CCDC91: variants seen among roughly 807,000 people sequenced by gnomAD.
CCDC91 encodes the protein coiled-coil domain-containing protein 91.
CCDC91 carries 48 observed loss-of-function variants against 63.2 expected under a neutral mutation model. The observed-to-expected ratio is 0.76, with a 90% CI of 0.60 to 0.97. The LOEUF is 0.97. CCDC91 is among the 50% of genes least tolerant of loss of function. CCDC91 has a pLI of 0.00. For synonymous variants in CCDC91, 167 were observed against 165.8 expected, an observed-to-expected ratio of 1.01 and a Z score of -0.06; for missense variants, 500 against 494.6, an observed-to-expected ratio of 1.01 and a Z score of -0.10.
intron 1 of CCDC91, among the ~76,000 whole-genome samples, chr12:28,244,526 T>A (rs954626349): frequency 1.8e-5 from 2 of 111,294 alleles, no homozygotes; most frequent in African/African-American, 6.0e-5. Context: ...TTTTTTTTTT[T>A]ACAGCTCTAC....
intron 8 of CCDC91, among the ~76,000 whole-genome samples, chr12:28,442,570 T>A (rs1949283903): frequency 1.3e-5 from 2 of 152,246 alleles, no homozygotes; most frequent in South Asian, 2.1e-4. Flanking sequence ...GTCTGAAAGT[T>A]TCACATACCA....
chr12:28,464,285 G>C (rs755825005), intron 11 of CCDC91, among the ~76,000 whole-genome samples: 6 of 152,170 alleles, frequency 3.9e-5, no homozygotes, highest in Non-Finnish European at 5.9e-5. Context: ...GCAATATCTA[G>C]GTGAGTCTTA....
intron 3 of CCDC91, among the ~76,000 whole-genome samples, chr12:28,282,157 T>G (rs1334190550): frequency 1.3e-5 from 2 of 152,164 alleles, no homozygotes; most frequent in African/African-American, 4.8e-5. Flanking sequence ...ACCGTTAAGT[T>G]GGTAATGCGT....
intron 12 of CCDC91, among the ~76,000 whole-genome samples, chr12:28,541,104 T>C (rs1457793071): frequency 6.6e-6 from 1 of 152,152 alleles, no homozygotes; most frequent in Non-Finnish European, 1.5e-5. Flanking sequence ...TGATAAATAT[T>C]TGTTGCTTTT....
rs1555179040 is a variant in CCDC91, at chr12:28,304,699, A to AT, written c.110-949dup. 7 of 1,246,794 alleles carry AT rather than the reference A, an allele frequency of 5.6e-6. No individual in the cohort carries two copies. The Admixed American group carries it at 1.7e-4, about 30-fold the overall frequency. The allele number at this position is 1,246,794 out of a possible 1,614,324, so 77.2% of individuals were successfully genotyped here. A position where few individuals can be genotyped will look rare whatever the true frequency, so the allele number is the denominator to read the frequency against. ...AACTTCACTGAAGTTGCTGATGCCA[A>AT]TGTGGAATAAAGGTCTTTATAGTTT... On this transcript the variant is annotated intron_variant, in intron 3 of 12. Transcript: ENST00000536442.
chr12:28,533,548 A>G (rs1238621636), intron 12 of CCDC91, among the ~76,000 whole-genome samples: 1 of 152,088 alleles, frequency 6.6e-6, no homozygotes, highest in Non-Finnish European at 1.5e-5. Context: ...TGGTAACTAT[A>G]GTTGAGATGT....
intron 3 of CCDC91, among the ~76,000 whole-genome samples, chr12:28,293,126 A>G (rs965552019): frequency 6.6e-6 from 1 of 152,230 alleles, no homozygotes; most frequent in African/African-American, 2.4e-5. Flanking sequence ...ACATTATAAA[A>G]AGATTAACAG....
chr12:28,400,426 G>C (rs1398238877), intron 8 of CCDC91, among the ~76,000 whole-genome samples: 1 of 149,552 alleles, frequency 6.7e-6, no homozygotes, highest in African/African-American at 2.5e-5. Context: ...GAGAGGGACT[G>C]CTGTGAAGAC....
chr12:28,220,233 C>T (rs558772452), intron 1 of CCDC91, among the ~76,000 whole-genome samples: 35 of 151,642 alleles, frequency 2.3e-4, no homozygotes, highest in African/African-American at 7.7e-4. Context: ...CATTTTAGAC[C>T]GATTATGGAC....
intron 8 of CCDC91, among the ~76,000 whole-genome samples, chr12:28,427,974 A>T (rs1324145915): frequency 1.3e-5 from 2 of 152,198 alleles, no homozygotes; most frequent in Non-Finnish European, 2.9e-5. Context: ...TAAAGTAGGG[A>T]TGAGGATGTC....
At chr12:28,336,984 A>G (rs1297692708) in intron 6 of CCDC91, among the ~76,000 whole-genome samples, 2 of 152,152 alleles carry the variant, frequency 1.3e-5, no homozygotes, top group Non-Finnish European at 2.9e-5. Flanking sequence ...TCCTTCTATA[A>G]TAAAATTGTC....
chr12:28,379,453 A>C (rs982834435), intron 7 of CCDC91, among the ~76,000 whole-genome samples: 4 of 130,404 alleles, frequency 3.1e-5, no homozygotes, highest in African/African-American at 9.3e-5. Flanking sequence ...ACAAATTTAC[A>C]AAAAAAAAAA....
At chr12:28,244,354 T>G (rs1945560480) in intron 1 of CCDC91, among the ~76,000 whole-genome samples, 1 of 152,050 alleles carries the variant, frequency 6.6e-6, no homozygotes, top group African/African-American at 2.4e-5. Flanking sequence ...TCTCTTAAAG[T>G]CAGAAATGAT....
intron 6 of CCDC91, among the ~76,000 whole-genome samples, chr12:28,311,729 A>G (rs553842272): frequency 2.0e-5 from 3 of 151,404 alleles, no homozygotes; most frequent in Non-Finnish European, 4.4e-5. Context: ...TTTTTTTTCC[A>G]TGGTATTTGG....
intron 12 of CCDC91, among the ~76,000 whole-genome samples, chr12:28,540,607 C>G (rs1455147270): frequency 6.6e-6 from 1 of 152,106 alleles, no homozygotes; most frequent in Non-Finnish European, 1.5e-5. Flanking sequence ...GCTACTTGGG[C>G]AAGTCATAAC....
chr12:28,318,562 T>G (rs1940156569), intron 6 of CCDC91, among the ~76,000 whole-genome samples: 1 of 151,864 alleles, frequency 6.6e-6, no homozygotes, highest in Admixed American at 6.6e-5. Flanking sequence ...CTTTTTCAAT[T>G]ATTTGTTACG....
intron 1 of CCDC91, 135 bp downstream of exon 1, chr12:28,190,776 T>C (rs2121119103): frequency 6.6e-6 from 1 of 152,226 alleles, no homozygotes; most frequent in East Asian, 1.9e-4. Flanking sequence ...GCCTCGCCCT[T>C]GGCTGTCGCA....
chr12:28,440,998 C>T (rs1318081549), intron 8 of CCDC91, among the ~76,000 whole-genome samples: 1 of 118,142 alleles, frequency 8.5e-6, no homozygotes, highest in Non-Finnish European at 1.6e-5. Context: ...GTGGAGGTTG[C>T]AGTGAGCCAA....
chr12:28,319,467 C>T (rs76965928), intron 6 of CCDC91: 2,896 of 152,842 alleles, frequency 0.019, 84 homozygotes, highest in African/African-American at 0.066. Flanking sequence ...CAAAGTTAAA[C>T]ATTTATTCTA....
Sources: gnomAD v4.1 joint callset for allele counts (sites outside exome capture counted in the v4.1 genomes callset) on GRCh38, gnomAD v4.1.1 for gene constraint, MANE v1.5 for transcripts, NCBI Gene and HGNC (gene_info 2026-07-23, HGNC 2026-07-21) for gene names.